The following DGAT2 variants were observed in gnomAD, a reference collection of about 807,000 sequenced individuals.
DGAT2 encodes the protein acyl-CoA retinol O-fatty-acyltransferase.
Under a neutral mutation model 48.4 loss-of-function variants are expected in DGAT2, and 33 were observed. The observed-to-expected ratio is 0.68, with a 90% CI of 0.52 to 0.91. The LOEUF is 0.91. Among genes scored for constraint, DGAT2 ranks in the 40% least tolerant of loss-of-function variants. The pLI, the probability that DGAT2 is intolerant of heterozygous loss-of-function variation, is 0.00. For synonymous variants in DGAT2, 191 were observed against 194.1 expected, an observed-to-expected ratio of 0.98 and a Z score of 0.13; for missense variants, 446 against 493.7, an observed-to-expected ratio of 0.90 and a Z score of 0.92.
At chr11:75,785,484 G>A (rs958790480) in intron 2 of DGAT2, among the ~76,000 whole-genome samples, 2 of 152,170 alleles carry the variant, frequency 1.3e-5, no homozygotes, top group African/African-American at 4.8e-5. Context: ...TGCTTTTTCT[G>A]CAGGTCTGGC....
rs1164218532 is a variant in DGAT2, at chr11:75,796,387, T to C, written c.489T>C (p.His163=). The part of the protein sequence containing the change: ...TRNYIFGYHP[H]GIMGLGAFCN... The stretch of plus-strand genomic sequence containing the variant: ...ACTATATCTTTGGATACCACCCCCA[T>C]GGTATCATGGGCCTGGGTGCCTTCT... The change falls in exon 5 of 8, where the codon CAT becomes CAC. Residue 163 remains histidine (H), a synonymous_variant. Coordinates refer to ENST00000228027, the MANE Select transcript of DGAT2 (RefSeq NM_032564.5). 1 of 1,613,908 alleles carries C rather than the reference T, an allele frequency of 6.2e-7. No homozygotes were observed. Among genetic ancestry groups the C allele is most frequent in the Non-Finnish European group, 8.5e-7 (1 of 1,179,950 alleles).
chr11:75,769,896 C>G (rs1944740217), intron 1 of DGAT2, among the ~76,000 whole-genome samples: 1 of 152,144 alleles, frequency 6.6e-6, no homozygotes, highest in Admixed American at 6.5e-5. Flanking sequence ...CATGAAGCCC[C>G]TCTCCCTCTT....
intron 2 of DGAT2, among the ~76,000 whole-genome samples, chr11:75,789,212 C>T (rs1000864892): frequency 2.6e-5 from 4 of 151,962 alleles, no homozygotes; most frequent in Admixed American, 6.6e-5. Flanking sequence ...TGTAGTGGCG[C>T]GATCATGGCT....
At position 75,768,804 on chromosome 11, in the gene DGAT2, C is replaced by G. The variant is rs1420164514; in HGVS notation, c.-188C>G. ...CCGCGGCTGCCGCCTCTGCTGGGGT[C>G]TAGGCTGTTTCTCTCGCGCCACCAC... On this transcript the variant is annotated 5_prime_UTR_variant, in exon 1 of 8. Transcript: ENST00000228027. The G allele has an allele frequency of 3.0e-6, 2 of 663,790 alleles. No individual in the cohort carries two copies. The highest frequency in any genetic ancestry group is 3.5e-5 in the South Asian group (1 of 28,636). 41.1% of individuals were successfully genotyped at this position (663,790 alleles called of 1,614,324 possible). A position where few individuals can be genotyped will look rare whatever the true frequency, so the allele number is the denominator to read the frequency against.
In DGAT2 at chr11:75,798,383, C is replaced by T. The variant is rs372383099; in HGVS notation, c.966C>T (p.Ser322=). The T allele has an allele frequency of 1.3e-4, 204 of 1,613,770 alleles. No individual in the cohort carries two copies. Among genetic ancestry groups the T allele is most frequent in the East Asian group, 3.8e-4 (17 of 44,898 alleles). Residue 322 remains serine (S), a synonymous_variant, in exon 7 of 8, where the codon TCC becomes TCT. Transcript: ENST00000228027. ...TCCATGGTCGAGGCCTCTTCTCCTC[C>T]GACACCTGGGGGCTGGTGCCCTACT... is the stretch of plus-strand genomic sequence containing the variant. ...CIFHGRGLFS[S]DTWGLVPYSK...
At chr11:75,781,059 TCAG>T (rs1944857943) in intron 1 of DGAT2, among the ~76,000 whole-genome samples, 1 of 152,316 alleles carries the variant, frequency 6.6e-6, no homozygotes, top group African/African-American at 2.4e-5. Context: ...CAGCTTGTAA[TCAG>T]CAGTTAGAAC....
rs1287481787 is a variant in DGAT2, at chr11:75,780,023, C to T, written c.122-4595C>T. 5.3e-5 allele frequency among the ~76,000 whole-genome samples: 8 copies of T among 152,212 alleles called. No individual in the cohort carries two copies. In the East Asian group the frequency reaches 1.5e-3, roughly 29 times the overall value. ...CAGGTACCAAGTCCTGGCACCCATG[C>T]GTCACTGGCAGTGGGATGGCCAAGT... is the stretch of plus-strand genomic sequence containing the variant. On this transcript the variant is annotated intron_variant, in intron 1 of 7. Coordinates refer to ENST00000228027, the MANE Select transcript of DGAT2 (RefSeq NM_032564.5).
intron 1 of DGAT2, 36 bp from the exon 2 acceptor site, chr11:75,784,582 G>T (rs1346464604): frequency 6.2e-7 from 1 of 1,611,484 alleles, no homozygotes; most frequent in South Asian, 1.1e-5. Context: ...CTGGAGAGAA[G>T]GGTGACAGTG....
At position 75,797,299 on chromosome 11, in the gene DGAT2, G is replaced by T; in HGVS notation, c.776G>T (p.Arg259Leu). 1.3e-6 allele frequency: 2 copies of T among 1,545,210 alleles called. No homozygotes were observed. Among genetic ancestry groups the T allele is most frequent in the South Asian group, 1.2e-5 (1 of 80,644 alleles). Reference protein sequence around the residue: ...PGKNAVTLRNRKGFVKLALRH... With the variant: ...PGKNAVTLRNLKGFVKLALRH... ...AAGAATGCAGTCACCCTGCGGAACC[G>T]CAAGGGCTTTGTGAAACTGGCCCTG... The change falls in exon 6 of 8, where the codon CGC becomes CTC. Residue 259 changes from arginine to leucine, a missense_variant. Coordinates refer to ENST00000228027, the MANE Select transcript of DGAT2 (RefSeq NM_032564.5).
intron 1 of DGAT2, among the ~76,000 whole-genome samples, chr11:75,780,610 G>GT (rs1294761045): frequency 1.3e-5 from 2 of 152,172 alleles, no homozygotes; most frequent in East Asian, 3.8e-4. Flanking sequence ...CCCCTCTGAA[G>GT]GAAAACAGAT....
chr11:75,799,313 G>A (rs1431914194), intron 7 of DGAT2, among the ~76,000 whole-genome samples: 1 of 152,128 alleles, frequency 6.6e-6, no homozygotes, highest in Non-Finnish European at 1.5e-5. Context: ...GTTTGGGAGG[G>A]GAAGTTCAGA....
chr11:75,775,385 G>A (rs1463233693), intron 1 of DGAT2, among the ~76,000 whole-genome samples: 1 of 152,236 alleles, frequency 6.6e-6, no homozygotes, highest in Non-Finnish European at 1.5e-5. Flanking sequence ...TGGCTCTCCA[G>A]TAGTTTGGCT....
rs1467511134 is a variant in DGAT2, at chr11:75,796,507, G to A, written c.609G>A (p.Val203=). The A allele has an allele frequency of 1.3e-5, 21 of 1,612,992 alleles. 1 individual carries two copies. In the East Asian group the frequency reaches 4.7e-4, roughly 36 times the overall value. ...TGGCAGGCAACTTCCGAATGCCTGTGTTGAGGGAGTACCTGATGTCTGGAG... is the reference window on the plus strand; with the variant it reads ...TGGCAGGCAACTTCCGAATGCCTGTATTGAGGGAGTACCTGATGTCTGGAG... ...ATLAGNFRMP[V]LREYLMSGGI... Residue 203 remains valine (V), a synonymous_variant, in exon 5 of 8, where the codon GTG becomes GTA. Coordinates refer to ENST00000228027, the MANE Select transcript of DGAT2 (RefSeq NM_032564.5).
intron 2 of DGAT2, among the ~76,000 whole-genome samples, chr11:75,785,439 CTA>C (rs1219743208): frequency 1.3e-5 from 2 of 152,222 alleles, no homozygotes; most frequent in African/African-American, 2.4e-5. Flanking sequence ...CTGCTCCCTG[CTA>C]TCTCTCAGCA....
intron 1 of DGAT2, among the ~76,000 whole-genome samples, chr11:75,777,793 A>G (rs1179096548): frequency 1.3e-5 from 2 of 152,200 alleles, no homozygotes; most frequent in Non-Finnish European, 2.9e-5. Context: ...GTGCTTCGCC[A>G]TGTACGCTCA....
intron 1 of DGAT2, chr11:75,773,946 GC>G (rs1335814104): frequency 2.0e-5 from 3 of 152,306 alleles, no homozygotes; most frequent in Non-Finnish European, 4.4e-5. Flanking sequence ...ACAGGAAATA[GC>G]ATAAATAGAG....
intron 1 of DGAT2, 28 bp from the exon 2 acceptor site, chr11:75,784,590 G>A: frequency 6.2e-7 from 1 of 1,612,882 alleles, no homozygotes. Flanking sequence ...AAGGGTGACA[G>A]TGGACTGACA....
intron 4 of DGAT2, chr11:75,792,707 A>G (rs1257612769): frequency 2.0e-5 from 3 of 152,006 alleles, no homozygotes; most frequent in Admixed American, 2.0e-4. Context: ...AGGAGCAGAC[A>G]GTGCCCCACA....
rs190110194 is a variant in DGAT2, at chr11:75,791,728, C to T, written c.429+997C>T. 3.9e-5 allele frequency among the ~76,000 whole-genome samples: 6 copies of T among 152,308 alleles called. No individual in the cohort carries two copies. The East Asian group carries it at 7.7e-4, about 20-fold the overall frequency. ...CAGCTTCCTGGGTCTCCCTCTCCCC[C>T]GTTGCTGCTGGAGATCTCAGTTTAA... is the stretch of plus-strand genomic sequence containing the variant. On this transcript the variant is annotated intron_variant, in intron 4 of 7. Transcript: ENST00000228027.
Sources: gnomAD v4.1 joint callset for allele counts (sites outside exome capture counted in the v4.1 genomes callset) on GRCh38, gnomAD v4.1.1 for gene constraint, MANE v1.5 for transcripts, NCBI Gene and HGNC (gene_info 2026-07-23, HGNC 2026-07-21) for gene names.